The following ESRRG variants were observed in gnomAD, a reference collection of about 807,000 sequenced individuals.
ESRRG encodes the protein estrogen related receptor gamma, also known as estrogen-related receptor gamma.
A neutral mutation model predicts 44.0 loss-of-function variants in ESRRG; 13 were observed. That is an observed-to-expected ratio of 0.30 (90% CI 0.19 to 0.47). The LOEUF is 0.47. Ranked by LOEUF, ESRRG falls within the 20% of genes least tolerant of loss-of-function variation. The probability of loss-of-function intolerance (pLI) is 1.00; values close to 1 mark genes in which losing one functional copy is unlikely to be tolerated. For missense variants in ESRRG, 395 were observed against 580.6 expected, an observed-to-expected ratio of 0.68 and a Z score of 3.29; for synonymous variants, 215 against 214.6, an observed-to-expected ratio of 1.00 and a Z score of -0.02.
intron 1 of ESRRG, among the ~76,000 whole-genome samples, chr1:217,105,483 G>A (rs2092579552): frequency 1.3e-5 from 2 of 152,094 alleles, no homozygotes; most frequent in South Asian, 4.2e-4. Context: ...CATCTCCCCA[G>A]CCTTAGTCAG....
At chr1:217,092,154 A>C (rs753653212), upstream of ESRRG, among the ~76,000 whole-genome samples, 1 of 152,036 alleles carries the variant, frequency 6.6e-6, no homozygotes, top group African/African-American at 2.4e-5. Context: ...TCTAAATCCA[A>C]CTCTGCCTAG....
intron 3 of ESRRG, among the ~76,000 whole-genome samples, chr1:216,570,838 A>T (rs1300788630): frequency 6.6e-6 from 1 of 152,064 alleles, no homozygotes; most frequent in South Asian, 2.1e-4. Context: ...GAGTTTGTAG[A>T]CTCCCTAAAC....
At chr1:217,066,440 A>G (rs1303147870) in intron 1 of ESRRG, among the ~76,000 whole-genome samples, 2 of 151,114 alleles carry the variant, frequency 1.3e-5, no homozygotes, top group Non-Finnish European at 3.0e-5. Flanking sequence ...ACGGGATTTC[A>G]CCGTGTTAGC....
At chr1:216,912,644 A>G (rs1034080231) in intron 2 of ESRRG, among the ~76,000 whole-genome samples, 1 of 152,188 alleles carries the variant, frequency 6.6e-6, no homozygotes, top group Non-Finnish European at 1.5e-5. Flanking sequence ...TACATGTTCA[A>G]TTAGATACTA....
chr1:216,578,122 G>C (rs1185804343), intron 3 of ESRRG, among the ~76,000 whole-genome samples: 1 of 151,916 alleles, frequency 6.6e-6, no homozygotes, highest in Non-Finnish European at 1.5e-5. Context: ...TAACGAATAT[G>C]GTATATGTTC....
intron 3 of ESRRG, among the ~76,000 whole-genome samples, chr1:216,576,274 A>C (rs1488094483): frequency 6.6e-6 from 1 of 151,914 alleles, no homozygotes; most frequent in Admixed American, 6.6e-5. Context: ...AAACATTATA[A>C]GGTCTGATGA....
intron 3 of ESRRG, among the ~76,000 whole-genome samples, chr1:216,643,187 A>G (rs1181980731): frequency 6.6e-6 from 1 of 152,144 alleles, no homozygotes; most frequent in Non-Finnish European, 1.5e-5. Context: ...CTGATTGGAG[A>G]GATGTAATGG....
intron 3 of ESRRG, among the ~76,000 whole-genome samples, chr1:216,642,144 C>A (rs575431279): frequency 1.3e-5 from 2 of 152,196 alleles, no homozygotes; most frequent in South Asian, 4.1e-4. Context: ...AATCAAAATA[C>A]CCACTACAGA....
chr1:216,507,023 G>C lies in ESRRG; in HGVS notation c.1293C>G (p.Ala431=). ...LPLLRQTSTK[A]VQHFYNIKLE... ...GTTTGATGTTGTAGAAATGCTGCACGGCCTTGGTAGAGGTCTGCCTCAGGA... is the reference window on the plus strand; with the variant it reads ...GTTTGATGTTGTAGAAATGCTGCACCGCCTTGGTAGAGGTCTGCCTCAGGA... Residue 431 remains alanine (A), a synonymous_variant, in exon 7 of 7, where the codon GCC becomes GCG. Coordinates refer to ENST00000408911, the MANE Select transcript of ESRRG (RefSeq NM_001438.4). 8 of 1,614,086 alleles carry C rather than the reference G, an allele frequency of 5.0e-6. No individual in the cohort carries two copies. Among genetic ancestry groups the C allele is most frequent in the Non-Finnish European group, 6.8e-6 (8 of 1,179,986 alleles).
intron 2 of ESRRG, among the ~76,000 whole-genome samples, chr1:216,861,471 A>T (rs531803289): frequency 6.6e-6 from 1 of 152,192 alleles, no homozygotes; most frequent in South Asian, 2.1e-4. Flanking sequence ...TCAAAATATC[A>T]CACTGCATCT....
rs187295703 is a variant in ESRRG at position 216,743,326 on chromosome 1, A to T, written c.-13-65835T>A. On this transcript the variant is annotated intron_variant, in intron 2 of 7. Coordinates refer to the ESRRG transcript ENST00000359162. ...TGGGACACTGTGCCAAGGCAGCTGA[A>T]ATAAAACAATACACCCTCCTTGAGG... Among the ~76,000 whole-genome samples the T allele has an allele frequency of 6.2e-4, 94 of 152,312 alleles. 1 individual carries two copies. In the East Asian group the frequency reaches 0.015, roughly 24 times the overall value.
chr1:216,625,917 C>T (rs887272190), intron 3 of ESRRG, among the ~76,000 whole-genome samples: 1 of 152,164 alleles, frequency 6.6e-6, no homozygotes, highest in African/African-American at 2.4e-5. Flanking sequence ...CTGTCTCTAT[C>T]TTTGTCTCCG....
At chr1:217,129,065 G>A (rs2092925960) in intron 1 of ESRRG, among the ~76,000 whole-genome samples, 1 of 151,986 alleles carries the variant, frequency 6.6e-6, no homozygotes, top group East Asian at 1.9e-4. Context: ...CAGAATAAGA[G>A]AAAATACAAA....
intron 2 of ESRRG, among the ~76,000 whole-genome samples, chr1:216,857,074 A>C (rs2095956244): frequency 6.6e-6 from 1 of 152,098 alleles, no homozygotes; most frequent in South Asian, 2.1e-4. Flanking sequence ...AATTAATGCC[A>C]GTGGAACTCC....
intron 5 of ESRRG, among the ~76,000 whole-genome samples, chr1:216,520,601 T>A (rs929622714): frequency 1.3e-5 from 2 of 152,100 alleles, no homozygotes; most frequent in African/African-American, 4.8e-5. Context: ...TTTTCTCAAG[T>A]CCTAAAAAAG....
At position 216,632,392 on chromosome 1, in the gene ESRRG, T is replaced by C. The variant is rs2064381866; in HGVS notation, c.589+18581A>G. 3.9e-5 allele frequency among the ~76,000 whole-genome samples: 6 copies of C among 152,182 alleles called. No individual in the cohort carries two copies. The South Asian group carries it at 1.2e-3, about 32-fold the overall frequency. On this transcript the variant is annotated intron_variant, in intron 3 of 6. Coordinates refer to ENST00000408911, the MANE Select transcript of ESRRG (RefSeq NM_001438.4). ...TAATTTTCATTCTTCCAATTTCAAG[T>C]AAAATAAACACAATCCTAGTTATAT... is the stretch of plus-strand genomic sequence containing the variant.
chr1:216,784,078 C>T (rs890555295), intron 2 of ESRRG, among the ~76,000 whole-genome samples: 1 of 152,012 alleles, frequency 6.6e-6, no homozygotes. Flanking sequence ...TTCAATTAAA[C>T]AAGGCCATTA....
intron 1 of ESRRG, among the ~76,000 whole-genome samples, chr1:216,684,271 A>T (rs1340193265): frequency 6.6e-6 from 1 of 152,166 alleles, no homozygotes; most frequent in Non-Finnish European, 1.5e-5. Context: ...TGGTTGATAA[A>T]CTTTATTAAT....
chr1:217,096,583 G>A (rs990164881), intron 1 of ESRRG, among the ~76,000 whole-genome samples: 1 of 142,026 alleles, frequency 7.0e-6, no homozygotes, highest in Non-Finnish European at 1.5e-5. Context: ...TGGTGTTTAC[G>A]AGTCGCCAAA....
Sources: allele counts gnomAD v4.1 joint callset (sites outside exome capture counted in the v4.1 genomes callset), GRCh38; gene constraint gnomAD v4.1.1; transcripts MANE v1.5; gene names NCBI Gene and HGNC (gene_info 2026-07-23, HGNC 2026-07-21).